Variants in LILRB4 observed in about 807,000 individuals in gnomAD.
LILRB4 encodes the protein leukocyte immunoglobulin-like receptor subfamily B member 4.
LILRB4 carries 49 observed loss-of-function variants against 55.2 expected under a neutral mutation model. That is an observed-to-expected ratio of 0.89 (90% CI 0.71 to 1.13). The LOEUF (loss-of-function observed/expected upper bound fraction) is 1.13. Ranked by LOEUF, LILRB4 falls within the 50% of genes most tolerant of loss-of-function variation. The pLI is 0.00. For missense variants in LILRB4, 590 were observed against 555.2 expected, an observed-to-expected ratio of 1.06 and a Z score of -0.63; for synonymous variants, 229 against 213.8, an observed-to-expected ratio of 1.07 and a Z score of -0.62.
In LILRB4 at chr19:54,667,704, G is replaced by C. The variant is rs76669729; in HGVS notation, c.1108G>C (p.Glu370Gln). 1.2e-3 allele frequency: 1,879 copies of C among 1,611,048 alleles called. 25 individuals are homozygous for C. The African/African-American group carries it at 0.023, about 19-fold the overall frequency. The change falls in exon 11 of 12, where the codon GAA becomes CAA. Residue 370 changes from glutamate (E) to glutamine (Q), a missense_variant. Coordinates refer to ENST00000430952, the Ensembl canonical transcript of LILRB4. ...GGTGAAACACTCCAGACCTAGGAGAGAAATGGCCTCTCCTCCCTCCCCACT... is the reference window on the plus strand; with the variant it reads ...GGTGAAACACTCCAGACCTAGGAGACAAATGGCCTCTCCTCCCTCCCCACT...
At position 54,665,829 on chromosome 19, in the gene LILRB4, T is replaced by C. The variant is rs144110148; in HGVS notation, c.772T>C (p.Trp258Arg). ...TCACGCCCAAGGTCTGAGAAGGCAC[T>C]GGGAGGTACTGATCGGGGTCTTGGT... is the stretch of plus-strand genomic sequence containing the variant. The change falls in exon 7 of 12, where the codon TGG becomes CGG. Residue 258 changes from tryptophan (W) to arginine (R), a missense_variant. Coordinates refer to ENST00000430952, the Ensembl canonical transcript of LILRB4. This position sits in a 1 kb window ranked among gnomAD's most constrained non-coding sequence, Gnocchi z 5.5. 749 of 1,609,746 alleles carry C rather than the reference T, an allele frequency of 4.7e-4. 1 individual carries two copies. The highest frequency in any genetic ancestry group is 4.4e-4 in the Non-Finnish European group (520 of 1,178,218).
At position 54,666,203 on chromosome 19, in the gene LILRB4, C is replaced by T. The variant is rs762455976; in HGVS notation, c.875-37C>T. 19 of 1,538,000 alleles carry T rather than the reference C, an allele frequency of 1.2e-5. 1 individual carries two copies. The highest frequency in any genetic ancestry group is 8.8e-5 in the South Asian group (7 of 79,354). ...GCATGTGCAAGGCAGGTGGTTCTAA[C>T]GTTCCCAGAGCTGAGACTCTGTCCA... On this transcript the variant is annotated intron_variant, in intron 7 of 11. Coordinates refer to ENST00000430952, the Ensembl canonical transcript of LILRB4. This position sits in a 1 kb window ranked among gnomAD's most constrained non-coding sequence, Gnocchi z 4.8.
chr19:54,666,732 G>T lies in LILRB4; in HGVS notation c.1024G>T (p.Val342Leu). ...GAAGAACACACAGCCTGAGGACGGG[G>T]TGGAAATGGACACTCGGGTGAGAAC... The change falls in exon 10 of 12, where the codon GTG (valine) becomes TTG (leucine). Residue 342 changes from valine (V) to leucine (L), a missense_variant. Transcript: ENST00000430952. The surrounding 1 kb of genome is among the most constrained non-coding windows in gnomAD (Gnocchi z 4.8). 1 of 1,614,230 alleles carries T rather than the reference G, an allele frequency of 6.2e-7. No individual in the cohort carries two copies. The highest frequency in any genetic ancestry group is 8.5e-7 in the Non-Finnish European group (1 of 1,180,032).
rs549654197 is a variant in LILRB4 at position 54,663,395 on chromosome 19, A to C, written c.35-137A>C. 9.2e-6 allele frequency: 12 copies of C among 1,303,152 alleles called. No homozygotes were observed. In the African/African-American group the frequency reaches 9.7e-5, roughly 11 times the overall value. The allele number at this position is 1,303,152 out of a possible 1,614,324, so 80.7% of individuals were successfully genotyped here. Reference sequence around the variant, plus strand: ...CGGGAGGCGGAGCTTGCAGTGAGCCAAGATCGCACCACCGCACTCCAGCCT... The same window carrying C: ...CGGGAGGCGGAGCTTGCAGTGAGCCCAGATCGCACCACCGCACTCCAGCCT... On this transcript the variant is annotated intron_variant, in intron 1 of 11. Transcript: ENST00000430952.
At chr19:54,667,998 T>C (rs747714545) in exon 12 of LILRB4, 30 of 1,613,980 alleles carry the variant, frequency 1.9e-5, no homozygotes, top group Non-Finnish European at 2.2e-5. Flanking sequence ...CCAGTGTCTA[T>C]GCCACTCTGG....
Position 54,666,595 on chromosome 19 carries a change from C to T in LILRB4, c.989-102C>T. On this transcript the variant is annotated intron_variant, in intron 9 of 11. Transcript: ENST00000430952. The surrounding 1 kb of genome is among the most constrained non-coding windows in gnomAD (Gnocchi z 4.8). ...ACCTCGGGGACATCACAGCCCCTCC[C>T]TGCGTTGCAGTGGCACTAATGGGAA... The T allele has an allele frequency of 6.2e-6, 9 of 1,445,866 alleles. No homozygotes were observed. The highest frequency in any genetic ancestry group is 8.7e-6 in the Non-Finnish European group (9 of 1,040,346). The allele number at this position is 1,445,866 out of a possible 1,614,324, so 89.6% of individuals were successfully genotyped here.
Position 54,665,274 on chromosome 19 carries a change from G to C in LILRB4, c.757+94G>C. ...TTAAGGCTCCTCTGGAGGTGGTGAT[G>C]TGGACAGGCCCCTCCCCTGCATGGG... On this transcript the variant is annotated intron_variant, in intron 6 of 11. Transcript: ENST00000430952. This position sits in a 1 kb window ranked among gnomAD's most constrained non-coding sequence, Gnocchi z 5.5. 1.4e-6 allele frequency: 2 copies of C among 1,416,626 alleles called. No individual in the cohort carries two copies. The highest frequency in any genetic ancestry group is 1.9e-6 in the Non-Finnish European group (2 of 1,041,528). 87.8% of individuals were successfully genotyped at this position (1,416,626 alleles called of 1,614,324 possible).
chr19:54,667,348 T>C, intron 10 of LILRB4: 2 of 619,252 alleles, frequency 3.2e-6, no homozygotes, highest in Non-Finnish European at 5.8e-6. Context: ...GATCCTCTAA[T>C]GGACGAGCCC....
At chr19:54,668,517 A>G (rs2065395600), downstream of LILRB4, 1 of 154,042 alleles carries the variant, frequency 6.5e-6, no homozygotes, top group Admixed American at 6.4e-5. Context: ...ACACAGCTTT[A>G]CAGAGGTGAA....
chr19:54,665,264 A>G lies in LILRB4; in HGVS notation c.757+84A>G. On this transcript the variant is annotated intron_variant, in intron 6 of 11. Coordinates refer to ENST00000430952, the Ensembl canonical transcript of LILRB4. The surrounding 1 kb of genome is among the most constrained non-coding windows in gnomAD (Gnocchi z 5.5). The stretch of plus-strand genomic sequence containing the variant: ...CTGTCCTAGGTTAAGGCTCCTCTGG[A>G]GGTGGTGATGTGGACAGGCCCCTCC... 2.1e-6 allele frequency: 3 copies of G among 1,451,920 alleles called. No individual in the cohort carries two copies. The highest frequency in any genetic ancestry group is 1.4e-5 in the African/African-American group (1 of 71,064). The allele number at this position is 1,451,920 out of a possible 1,614,324, so 89.9% of individuals were successfully genotyped here. A position where few individuals can be genotyped will look rare whatever the true frequency, so the allele number is the denominator to read the frequency against.
At position 54,666,534 on chromosome 19, in the gene LILRB4, G is replaced by A. The variant is rs1194568442; in HGVS notation, c.988+98G>A. 1 of 1,503,878 alleles carries A rather than the reference G, an allele frequency of 6.6e-7. No individual in the cohort carries two copies. Among genetic ancestry groups the A allele is most frequent in the Non-Finnish European group, 9.2e-7 (1 of 1,091,796 alleles). The allele number at this position is 1,503,878 out of a possible 1,614,324, so 93.2% of individuals were successfully genotyped here. On this transcript the variant is annotated intron_variant, in intron 9 of 11. Coordinates refer to ENST00000430952, the Ensembl canonical transcript of LILRB4. The surrounding 1 kb of genome is among the most constrained non-coding windows in gnomAD (Gnocchi z 4.8). Reference sequence around the variant, plus strand: ...GGAGCACAGGCTAGGATTGGTCAGGGACTCAGGGAGAAGTGGTCTGAACCC... The same window carrying A: ...GGAGCACAGGCTAGGATTGGTCAGGAACTCAGGGAGAAGTGGTCTGAACCC...
chr19:54,664,561 G>T, intron 4 of LILRB4, 76 bp downstream of exon 4: 1 of 1,462,366 alleles, frequency 6.8e-7, no homozygotes, highest in Non-Finnish European at 9.3e-7. Context: ...CTCTGGGCAG[G>T]GATGGAGGGA....
chr19:54,665,774 T>A lies in LILRB4; in HGVS notation c.758-41T>A. On this transcript the variant is annotated intron_variant, in intron 6 of 11. Transcript: ENST00000430952. The surrounding 1 kb of genome is among the most constrained non-coding windows in gnomAD (Gnocchi z 5.5). ...GGTGCACACACAGTAGGTGTGCACA[T>A]CAATGACATCATCCCCATTCCTGAT... 1 of 1,564,880 alleles carries A rather than the reference T, an allele frequency of 6.4e-7. No individual in the cohort carries two copies. Among genetic ancestry groups the A allele is most frequent in the Middle Eastern group, 1.7e-4 (1 of 6,006 alleles).
At position 54,665,843 on chromosome 19, in the gene LILRB4, CG is replaced by C; in HGVS notation, c.790del (p.Val264SerfsTer70). On this transcript the variant is annotated frameshift_variant, in exon 7 of 12. Transcript: ENST00000430952. LOFTEE classifies it high-confidence loss of function. The surrounding 1 kb of genome is among the most constrained non-coding windows in gnomAD (Gnocchi z 5.5). ...TGAGAAGGCACTGGGAGGTACTGATCGGGGTCTTGGTGGTCTCCATCCTGCT... is the reference window on the plus strand; with the variant it reads ...TGAGAAGGCACTGGGAGGTACTGATCGGGTCTTGGTGGTCTCCATCCTGCT... The C allele has an allele frequency of 6.2e-7, 1 of 1,612,422 alleles. No homozygotes were observed. Among genetic ancestry groups the C allele is most frequent in the Admixed American group, 1.7e-5 (1 of 59,714 alleles).
Position 54,667,516 on chromosome 19 carries a change from C to A in LILRB4, c.1042-122C>A, listed in dbSNP as rs11574586. 12,182 of 1,534,302 alleles carry A rather than the reference C, an allele frequency of 7.9e-3. 84 individuals carry two copies. The highest frequency in any genetic ancestry group is 9.8e-3 in the Non-Finnish European group (11,149 of 1,138,544). ...GGCCAGACCCTCCACGGCCTTAGGG[C>A]ATCCCTGAGATTCCGTCAGGAAAGG... is the stretch of plus-strand genomic sequence containing the variant. On this transcript the variant is annotated intron_variant, in intron 10 of 11. Coordinates refer to ENST00000430952, the Ensembl canonical transcript of LILRB4.
chr19:54,664,619 A>C, intron 4 of LILRB4, 134 bp downstream of exon 4: 1 of 1,080,708 alleles, frequency 9.3e-7, no homozygotes, highest in South Asian at 1.6e-5. Flanking sequence ...GGAGGAGGAC[A>C]ACAGGGGCCC....
exon 3 of LILRB4, chr19:54,663,841 T>A: frequency 6.2e-7 from 1 of 1,614,094 alleles, no homozygotes; most frequent in South Asian, 1.1e-5. Context: ...CAGGGGACCC[T>A]GGAGGCTCGG....
chr19:54,665,118 G>C lies in LILRB4; in HGVS notation c.707-12G>C. 1 of 1,609,652 alleles carries C rather than the reference G, an allele frequency of 6.2e-7. No individual in the cohort carries two copies. The highest frequency in any genetic ancestry group is 8.5e-7 in the Non-Finnish European group (1 of 1,177,728). ...GGGCAGCCCCAGCCCTCACATCCCT[G>C]TTCTAACCCAGCAGGCCCTGAGGAC... On this transcript the variant is annotated splice_polypyrimidine_tract_variant and intron_variant, in intron 5 of 11. Transcript: ENST00000430952. The surrounding 1 kb of genome is among the most constrained non-coding windows in gnomAD (Gnocchi z 5.5).
In LILRB4 at chr19:54,665,318, T is replaced by C; in HGVS notation, c.757+138T>C. On this transcript the variant is annotated intron_variant, in intron 6 of 11. Transcript: ENST00000430952. The surrounding 1 kb of genome is among the most constrained non-coding windows in gnomAD (Gnocchi z 5.5). ...GCATGGGCCTCAGTTTCTCCAAGTG[T>C]AAAGGAGAGAGGCCTGCGGGTGGGA... The C allele has an allele frequency of 7.7e-7, 1 of 1,303,564 alleles. No homozygotes were observed. Among genetic ancestry groups the C allele is most frequent in the Non-Finnish European group, 1.0e-6 (1 of 966,024 alleles). 80.7% of individuals were successfully genotyped at this position (1,303,564 alleles called of 1,614,324 possible).
Sources: allele counts gnomAD v4.1 joint callset, GRCh38; gene constraint gnomAD v4.1.1; non-coding constraint Gnocchi (gnomAD v3.1); transcripts MANE v1.5; gene names NCBI Gene and HGNC (gene_info 2026-07-23, HGNC 2026-07-21).